FBXL13: variants seen among roughly 807,000 people sequenced by gnomAD.
FBXL13 encodes F-box and leucine rich repeat protein 13, also known as F-box and leucine-rich repeat protein 13.
A neutral mutation model predicts 83.6 loss-of-function variants in FBXL13; 67 were observed. The observed-to-expected ratio is 0.80, with a 90% CI of 0.66 to 0.98. The LOEUF is 0.98. Among genes scored for constraint, FBXL13 ranks in the 50% least tolerant of loss-of-function variants. FBXL13 has a pLI of 0.00. For missense variants in FBXL13, 822 were observed against 866.5 expected (o/e 0.95, Z 0.64); for synonymous variants, 272 against 299.5 (o/e 0.91, Z 0.95).
At chr7:102,933,799 G>A in intron 8 of FBXL13, 2 of 1,119,096 alleles carry the variant, frequency 1.8e-6, no homozygotes, top group Admixed American at 5.8e-5. Flanking sequence ...TACCCCAGCT[G>A]GGTCTCATTG....
intron 17 of FBXL13, 124 bp from the exon 19 acceptor site, chr7:102,833,098 C>A (rs867898975): frequency 7.1e-6 from 7 of 992,500 alleles, no homozygotes; most frequent in Middle Eastern, 6.0e-4. Context: ...TTGATGCCCC[C>A]AAAAAATAAT....
intron 10 of FBXL13, among the ~76,000 whole-genome samples, chr7:102,922,318 C>T (rs1817214020): frequency 6.6e-6 from 1 of 151,836 alleles, no homozygotes; most frequent in Non-Finnish European, 1.5e-5. Context: ...TTCCCAAATT[C>T]TTATTTAGAA....
chr7:103,009,435 G>A (rs979061783), intron 6 of FBXL13, among the ~76,000 whole-genome samples: 4 of 152,244 alleles, frequency 2.6e-5, no homozygotes, highest in Non-Finnish European at 4.4e-5. Context: ...GAGAAAGGGG[G>A]AGTGGGTGAG....
chr7:102,872,663 C>T (rs1402894153), intron 16 of FBXL13, among the ~76,000 whole-genome samples: 1 of 152,158 alleles, frequency 6.6e-6, no homozygotes, highest in Admixed American at 6.5e-5. Flanking sequence ...GAAATATTTT[C>T]CCACATACAT....
At chr7:102,862,648 A>G (rs1052342264) in intron 16 of FBXL13, among the ~76,000 whole-genome samples, 16 of 152,240 alleles carry the variant, frequency 1.1e-4, no homozygotes, top group Admixed American at 1.0e-3. Flanking sequence ...GTTAACATGT[A>G]CAAGTATTAT....
intron 8 of FBXL13, among the ~76,000 whole-genome samples, chr7:102,961,518 G>T (rs1254109289): frequency 1.4e-5 from 2 of 139,796 alleles, no homozygotes; most frequent in African/African-American, 2.7e-5. Flanking sequence ...AAAAGAGCCC[G>T]CATCGCCAAG....
At chr7:102,952,967 G>C (rs1055866670) in intron 8 of FBXL13, among the ~76,000 whole-genome samples, 6 of 152,140 alleles carry the variant, frequency 3.9e-5, no homozygotes, top group African/African-American at 9.7e-5. Flanking sequence ...CTGGGTGACA[G>C]AGTGAGACTC....
intron 6 of FBXL13, among the ~76,000 whole-genome samples, chr7:102,980,348 A>G (rs1337513456): frequency 2.0e-5 from 3 of 152,194 alleles, no homozygotes; most frequent in African/African-American, 7.2e-5. Context: ...CAAAACATTC[A>G]ATGGGGGGAA....
intron 10 of FBXL13, among the ~76,000 whole-genome samples, chr7:102,917,766 T>A (rs945912057): frequency 6.6e-6 from 1 of 152,050 alleles, no homozygotes; most frequent in Non-Finnish European, 1.5e-5. Context: ...ATAGAACAGA[T>A]TGAAGGGAGG....
At chr7:103,070,535 C>T (rs1198538554) in intron 1 of FBXL13, among the ~76,000 whole-genome samples, 1 of 152,220 alleles carries the variant, frequency 6.6e-6, no homozygotes, top group Admixed American at 6.5e-5. Context: ...CAACCATCAA[C>T]ATGTGTGTTG....
chr7:102,929,267 C>T (rs1000178607), intron 9 of FBXL13, among the ~76,000 whole-genome samples: 1 of 152,122 alleles, frequency 6.6e-6, no homozygotes, highest in Non-Finnish European at 1.5e-5. Flanking sequence ...TCAAAGTGCT[C>T]AGTTCTAAAA....
chr7:102,957,576 C>T (rs1284634205), intron 8 of FBXL13, among the ~76,000 whole-genome samples: 2 of 152,056 alleles, frequency 1.3e-5, no homozygotes, highest in East Asian at 3.8e-4. Context: ...GGGAAAAAAA[C>T]TGCCATCAGA....
intron 16 of FBXL13, among the ~76,000 whole-genome samples, chr7:102,871,170 T>G (rs1027926325): frequency 2.0e-5 from 3 of 152,128 alleles, no homozygotes. Flanking sequence ...CTTGAGGATC[T>G]TGGCCACATT....
intron 4 of FBXL13, among the ~76,000 whole-genome samples, chr7:103,027,817 C>T (rs1451415020): frequency 6.6e-6 from 1 of 152,158 alleles, no homozygotes; most frequent in African/African-American, 2.4e-5. Context: ...TGTATCATTT[C>T]CTTTTTTTAA....
intron 8 of FBXL13, 140 bp downstream of exon 9, chr7:102,963,393 C>T (rs1462963829): frequency 2.1e-6 from 2 of 964,552 alleles, no homozygotes; most frequent in African/African-American, 1.7e-5. Flanking sequence ...CTATATTATA[C>T]ACTTATTAAA....
intron 8 of FBXL13, among the ~76,000 whole-genome samples, chr7:102,961,270 A>C (rs183592437): frequency 0.19 from 26,608 of 140,950 alleles, 2,689 homozygotes; most frequent in East Asian, 0.44. Flanking sequence ...TAGGAATCCA[A>C]CTTACAAGGG....
chr7:102,841,844 C>G lies in FBXL13; in HGVS notation c.1720-8870G>C, dbSNP rs370778372. Among the ~76,000 whole-genome samples, 16 of 152,284 alleles carry G rather than the reference C, an allele frequency of 1.1e-4. No homozygotes were observed. In the East Asian group the frequency reaches 2.9e-3, roughly 28 times the overall value. On this transcript the variant is annotated intron_variant, in intron 17 of 19. Transcript: ENST00000313221. ...CTATTATAAAGTTTAGGAAACTATC[C>G]TTGGCATGGATAGCCAAGCAGCACA...
intron 16 of FBXL13, among the ~76,000 whole-genome samples, chr7:102,855,131 C>T (rs1258286072): frequency 6.6e-6 from 1 of 152,126 alleles, no homozygotes; most frequent in Admixed American, 6.5e-5. Flanking sequence ...AGGTTATTAT[C>T]TTGCCACTTG....
intron 11 of FBXL13, among the ~76,000 whole-genome samples, chr7:102,885,067 T>C (rs1051444261): frequency 1.3e-5 from 2 of 152,082 alleles, no homozygotes; most frequent in African/African-American, 4.8e-5. Context: ...ATTGTTTCCA[T>C]CTTTTGGATA....
Sources: allele counts gnomAD v4.1 joint callset (sites outside exome capture counted in the v4.1 genomes callset), GRCh38; gene constraint gnomAD v4.1.1; transcripts MANE v1.5; gene names NCBI Gene and HGNC (gene_info 2026-07-23, HGNC 2026-07-21).